Variants in PDE1A observed in about 807,000 individuals in gnomAD.
PDE1A encodes phosphodiesterase 1A.
Under a neutral mutation model 61.7 loss-of-function variants are expected in PDE1A, and 35 were observed. That is an observed-to-expected ratio of 0.57 (90% CI 0.43 to 0.75). The LOEUF (loss-of-function observed/expected upper bound fraction) is 0.75, where lower values mean the gene tolerates loss of function less well. PDE1A is among the 30% of genes least tolerant of loss of function. The probability of loss-of-function intolerance (pLI) is 0.00; values close to 1 mark genes in which losing one functional copy is unlikely to be tolerated. For synonymous variants in PDE1A, 232 were observed against 213.2 expected (o/e 1.09, Z -0.77); for missense variants, 597 against 630.6 (o/e 0.95, Z 0.57).
At chr2:182,708,701 C>G in the PDE1A span, among the ~76,000 whole-genome samples, 1 of 152,062 alleles carries the variant, frequency 6.6e-6, no homozygotes, top group Non-Finnish European at 1.5e-5. Flanking sequence ...GACTACAGTT[C>G]GAGATGAGAT....
chr2:182,663,469 A>G, the PDE1A span, among the ~76,000 whole-genome samples: 1 of 152,218 alleles, frequency 6.6e-6, no homozygotes, highest in Non-Finnish European at 1.5e-5. Context: ...TGGTACATAT[A>G]TACTACAGAA....
chr2:182,402,813 C>A (rs1395950297), intron 1 of PDE1A, among the ~76,000 whole-genome samples: 1 of 152,288 alleles, frequency 6.6e-6, no homozygotes, highest in African/African-American at 2.4e-5. Flanking sequence ...TCTACAAAAA[C>A]TTAAACAAAT....
chr2:182,194,917 A>G (rs935527881), intron 10 of PDE1A, among the ~76,000 whole-genome samples: 9 of 147,116 alleles, frequency 6.1e-5, no homozygotes, highest in African/African-American at 2.1e-4. Flanking sequence ...ACACACACAC[A>G]CGAACCTTTC....
the PDE1A span, among the ~76,000 whole-genome samples, chr2:182,670,082 C>G: frequency 2.0e-5 from 3 of 152,298 alleles, no homozygotes; most frequent in East Asian, 5.8e-4. Flanking sequence ...GCCACAGGGC[C>G]ATGCAGATAT....
At chr2:182,714,953 G>A in the PDE1A span, among the ~76,000 whole-genome samples, 46 of 152,124 alleles carry the variant, frequency 3.0e-4, no homozygotes, top group African/African-American at 1.1e-3. Flanking sequence ...ATAGCTGCCA[G>A]GATGATCTAA....
chr2:182,605,779 C>T, the PDE1A span, among the ~76,000 whole-genome samples: 363 of 152,278 alleles, frequency 2.4e-3, 3 homozygotes, highest in African/African-American at 8.3e-3. Flanking sequence ...TCCAGAGCTG[C>T]TCACCAAGGG....
At chr2:182,537,689 T>C in the PDE1A span, among the ~76,000 whole-genome samples, 1 of 151,778 alleles carries the variant, frequency 6.6e-6, no homozygotes, top group Non-Finnish European at 1.5e-5. Flanking sequence ...AGAAGGCCTG[T>C]ATATATCCAT....
upstream of PDE1A, among the ~76,000 whole-genome samples, chr2:182,431,843 A>G (rs1703967230): frequency 6.6e-6 from 1 of 152,044 alleles, no homozygotes; most frequent in Admixed American, 6.6e-5. Flanking sequence ...AGAAGAAACA[A>G]CTTACCACTC....
upstream of PDE1A, among the ~76,000 whole-genome samples, chr2:182,527,555 C>T (rs938243364): frequency 4.8e-5 from 7 of 145,868 alleles, no homozygotes; most frequent in African/African-American, 1.8e-4. Context: ...GACCCCATGT[C>T]AAAAAAAGAA....
chr2:182,255,575 C>T (rs758483934), intron 2 of PDE1A, among the ~76,000 whole-genome samples: 27 of 152,098 alleles, frequency 1.8e-4, no homozygotes, highest in Non-Finnish European at 1.8e-4. Context: ...CAATGCTACT[C>T]ATGTTTTGCT....
chr2:182,149,115 C>G (rs1690642626), intron 13 of PDE1A, among the ~76,000 whole-genome samples: 1 of 152,000 alleles, frequency 6.6e-6, no homozygotes, highest in African/African-American at 2.4e-5. Context: ...TAGAACAGAA[C>G]AGAACAGTCT....
chr2:182,685,504 G>A, the PDE1A span, among the ~76,000 whole-genome samples: 1 of 152,174 alleles, frequency 6.6e-6, no homozygotes, highest in Non-Finnish European at 1.5e-5. Flanking sequence ...ATGGCATTTT[G>A]ATAGATGAGT....
Position 182,240,162 on chromosome 2 carries a change from G to T in PDE1A, c.298C>A (p.Pro100Thr), listed in dbSNP as rs774318160. 4.3e-5 allele frequency: 70 copies of T among 1,613,792 alleles called. No homozygotes were observed. In the Admixed American group the frequency reaches 7.8e-4, roughly 18 times the overall value. ...GCATGCACAATGCTCCGAAATTTTGGTTTTTCCTCAGGTTTCTTTTTTGTC... is the reference window on the plus strand; with the variant it reads ...GCATGCACAATGCTCCGAAATTTTGTTTTTTCCTCAGGTTTCTTTTTTGTC... The change falls in exon 3 of 14, where the codon CCA becomes ACA. Residue 100 changes from proline to threonine, a missense_variant. Physicochemically the swap from Pro to Thr is conservative, Grantham distance 38. Transcript: ENST00000351439.
At chr2:182,209,560 A>G (rs922347842) in intron 7 of PDE1A, among the ~76,000 whole-genome samples, 3 of 151,528 alleles carry the variant, frequency 2.0e-5, no homozygotes, top group Non-Finnish European at 4.4e-5. Flanking sequence ...CCCAAATCTC[A>G]TATTGAATTG....
chr2:182,197,666 C>T lies in PDE1A; in HGVS notation c.1125+3773G>A, dbSNP rs139078131. 2.8e-3 allele frequency among the ~76,000 whole-genome samples: 419 copies of T among 151,824 alleles called. 1 individual carries two copies. The highest frequency in any genetic ancestry group is 9.9e-3 in the African/African-American group (411 of 41,474). Reference sequence around the variant, plus strand: ...TTTTGTGGAAAGACTTTCCTTTCCCCATGTAGTTGTTTTGGTGCCTTTGTA... The same window carrying T: ...TTTTGTGGAAAGACTTTCCTTTCCCTATGTAGTTGTTTTGGTGCCTTTGTA... On this transcript the variant is annotated intron_variant, in intron 10 of 13. Coordinates refer to ENST00000351439, the Ensembl canonical transcript of PDE1A.
chr2:182,327,050 T>C (rs1039109401), intron 1 of PDE1A, among the ~76,000 whole-genome samples: 4 of 152,226 alleles, frequency 2.6e-5, no homozygotes, highest in African/African-American at 9.6e-5. Flanking sequence ...ATTCAACAAA[T>C]AATTATTGAA....
At chr2:182,579,795 T>G in the PDE1A span, among the ~76,000 whole-genome samples, 1 of 152,112 alleles carries the variant, frequency 6.6e-6, no homozygotes, top group East Asian at 1.9e-4. Context: ...TAAAGTGGTA[T>G]ACACTTGTAT....
At chr2:182,399,304 T>C (rs570400688) in intron 1 of PDE1A, among the ~76,000 whole-genome samples, 31 of 152,120 alleles carry the variant, frequency 2.0e-4, no homozygotes, top group Admixed American at 1.7e-3. Context: ...GATTAATGTG[T>C]CATTACTCAC....
the PDE1A span, among the ~76,000 whole-genome samples, chr2:182,550,546 TA>T: frequency 6.6e-6 from 1 of 152,146 alleles, no homozygotes; most frequent in African/African-American, 2.4e-5. Context: ...AATTCCGTTC[TA>T]CTGAAGAAAA....
Sources: allele counts gnomAD v4.1 joint callset (sites outside exome capture counted in the v4.1 genomes callset), GRCh38; gene constraint gnomAD v4.1.1; transcripts MANE v1.5; gene names NCBI Gene and HGNC (gene_info 2026-07-23, HGNC 2026-07-21).